Variants in TENM3 observed in about 807,000 individuals in gnomAD.
TENM3 encodes teneurin transmembrane protein 3, also known as teneurin-3.
TENM3 carries 63 observed loss-of-function variants against 255.1 expected under a neutral mutation model. The ratio of observed to expected loss-of-function variants is 0.25; its 90% CI spans 0.20 to 0.30. The LOEUF is 0.30. TENM3 is among the 10% of genes least tolerant of loss of function. The pLI, the probability that TENM3 is intolerant of heterozygous loss-of-function variation, is 1.00. For missense variants in TENM3, 2,929 were observed against 3,461.1 expected, an observed-to-expected ratio of 0.85 and a Z score of 3.86; for synonymous variants, 1,306 against 1,322.3, an observed-to-expected ratio of 0.99 and a Z score of 0.27.
chr4:182,516,703 C>T (rs140980347), intron 3 of TENM3, among the ~76,000 whole-genome samples: 5,534 of 152,084 alleles, frequency 0.036, 163 homozygotes, highest in African/African-American at 0.081. Flanking sequence ...CTAGCCTGGC[C>T]AACATGGTGA....
chr4:182,213,690 T>C (rs1162605589), intron 1 of TENM3, among the ~76,000 whole-genome samples: 3 of 152,246 alleles, frequency 2.0e-5, no homozygotes, highest in East Asian at 3.8e-4. Flanking sequence ...TCTATTTGCA[T>C]GCCAGAAATT....
At chr4:181,574,298 G>A in the TENM3 span, among the ~76,000 whole-genome samples, 899 of 152,154 alleles carry the variant, frequency 5.9e-3, 12 homozygotes, top group African/African-American at 0.021. Flanking sequence ...TTGGGAGGCC[G>A]AGGCGGGTGG....
intron 19 of TENM3, among the ~76,000 whole-genome samples, chr4:182,745,352 C>T (rs887749563): frequency 1.2e-4 from 19 of 152,158 alleles, no homozygotes; most frequent in African/African-American, 4.6e-4. Context: ...TATTAGAAAC[C>T]ACAATAGAAT....
At chr4:181,612,490 ATGTGTGTGTGTGTGTG>A in the TENM3 span, among the ~76,000 whole-genome samples, 18 of 148,342 alleles carry the variant, frequency 1.2e-4, no homozygotes, top group African/African-American at 4.0e-4. Flanking sequence ...TTTGGTTAAG[ATGTGTGTGTGTGTGTG>A]TGTGTGTGTG....
At chr4:181,807,604 C>T in the TENM3 span, among the ~76,000 whole-genome samples, 8 of 152,288 alleles carry the variant, frequency 5.3e-5, no homozygotes, top group East Asian at 1.9e-4. Context: ...CCGCCTGCCT[C>T]GGCCTCCCAA....
chr4:182,671,849 A>T lies in TENM3; in HGVS notation c.1112-1156A>T, dbSNP rs937269791. Among the ~76,000 whole-genome samples the T allele has an allele frequency of 1.2e-4, 18 of 152,130 alleles. 1 individual carries two copies. Among genetic ancestry groups the T allele is most frequent in the Admixed American group, 9.2e-4 (14 of 15,274 alleles). ...GAATTAACAGTTTAATATTTTTTTT[A>T]AAAAAGACAAAGTTGGTAGTAAGTC... On this transcript the variant is annotated intron_variant, in intron 6 of 27. Transcript: ENST00000511685.
the TENM3 span, among the ~76,000 whole-genome samples, chr4:181,707,135 C>T: frequency 6.6e-6 from 1 of 152,168 alleles, no homozygotes; most frequent in African/African-American, 2.4e-5. Flanking sequence ...AGGGAGGGGA[C>T]TTGCATTTTT....
chr4:181,599,924 C>CAGGGAAGGA, the TENM3 span, among the ~76,000 whole-genome samples: 3 of 152,152 alleles, frequency 2.0e-5, no homozygotes, highest in Admixed American at 6.5e-5. Flanking sequence ...CAATAACTTA[C>CAGGGAAGGA]ATTTACCGGT....
chr4:182,511,917 A>G (rs1431551170), intron 3 of TENM3, among the ~76,000 whole-genome samples: 1 of 152,182 alleles, frequency 6.6e-6, no homozygotes, highest in Non-Finnish European at 1.5e-5. Flanking sequence ...CTAAGAGTTA[A>G]GTATTATTAA....
chr4:181,697,455 G>T, the TENM3 span, among the ~76,000 whole-genome samples: 1 of 152,108 alleles, frequency 6.6e-6, no homozygotes, highest in Non-Finnish European at 1.5e-5. Context: ...GTGCAGTGGC[G>T]TGATCTTGGC....
chr4:182,586,669 G>T (rs139479854), intron 3 of TENM3, among the ~76,000 whole-genome samples: 1 of 152,142 alleles, frequency 6.6e-6, no homozygotes, highest in African/African-American at 2.4e-5. Context: ...GAAAGGATAC[G>T]CTGGGTTCCA....
At chr4:182,086,680 A>G in the TENM3 span, among the ~76,000 whole-genome samples, 1 of 152,242 alleles carries the variant, frequency 6.6e-6, no homozygotes, top group Admixed American at 6.5e-5. Context: ...AGCAGATGAA[A>G]AGCCAGATGC....
At chr4:182,030,140 C>T in the TENM3 span, among the ~76,000 whole-genome samples, 19 of 151,388 alleles carry the variant, frequency 1.3e-4, no homozygotes, top group South Asian at 1.0e-3. Context: ...CATAGGTAAA[C>T]GTGTGCCACA....
intron 2 of TENM3, among the ~76,000 whole-genome samples, chr4:182,340,388 A>G (rs1372136761): frequency 6.6e-6 from 1 of 152,198 alleles, no homozygotes; most frequent in African/African-American, 2.4e-5. Context: ...CTGGAAATTC[A>G]TGGGTTTCAA....
chr4:182,301,904 A>T (rs530450628), intron 1 of TENM3, among the ~76,000 whole-genome samples: 1 of 152,320 alleles, frequency 6.6e-6, no homozygotes, highest in African/African-American at 2.4e-5. Context: ...CCAGTTCTGC[A>T]GAAGGGCAAG....
chr4:182,146,059 C>T lies in TENM3; in HGVS notation c.-76+1305C>T, dbSNP rs75166431. ...TTCTTTAAAATAATGACGCATATCCCTTTTTCCCCACTGCCTACTTGGAGA... is the reference window on the plus strand; with the variant it reads ...TTCTTTAAAATAATGACGCATATCCTTTTTTCCCCACTGCCTACTTGGAGA... On this transcript the variant is annotated intron_variant, in intron 1 of 2. Transcript: ENST00000512480. Among the ~76,000 whole-genome samples, 780 of 152,234 alleles carry T rather than the reference C, an allele frequency of 5.1e-3. 8 individuals are homozygous for T. Among genetic ancestry groups the T allele is most frequent in the African/African-American group, 0.018 (736 of 41,542 alleles).
chr4:182,738,888 C>CAGTCAGTG (rs1054686657), intron 18 of TENM3, among the ~76,000 whole-genome samples: 4 of 151,148 alleles, frequency 2.6e-5, no homozygotes, highest in South Asian at 4.2e-4. Flanking sequence ...TACAGTGAGT[C>CAGTCAGTG]AGTGAGTGTG....
At chr4:181,619,810 T>C in the TENM3 span, among the ~76,000 whole-genome samples, 4 of 152,062 alleles carry the variant, frequency 2.6e-5, no homozygotes, top group Admixed American at 1.3e-4. Flanking sequence ...ATCAGAGTCA[T>C]TTGGAAAGTG....
intron 1 of TENM3, among the ~76,000 whole-genome samples, chr4:182,306,578 T>G (rs1248113770): frequency 3.3e-5 from 5 of 152,146 alleles, no homozygotes; most frequent in African/African-American, 1.2e-4. Flanking sequence ...CTTTTCCCAT[T>G]TATTGCTTTT....
Sources: gnomAD v4.1 joint callset for allele counts (sites outside exome capture counted in the v4.1 genomes callset) on GRCh38, gnomAD v4.1.1 for gene constraint, MANE v1.5 for transcripts, NCBI Gene and HGNC (gene_info 2026-07-23, HGNC 2026-07-21) for gene names.